CHL1: variants seen among roughly 807,000 people sequenced by gnomAD.
CHL1 encodes neural cell adhesion molecule L1-like protein.
CHL1 carries 96 observed loss-of-function variants against 141.9 expected under a neutral mutation model. That is an observed-to-expected ratio of 0.68 (90% CI 0.57 to 0.80). The LOEUF is 0.80. Ranked by LOEUF, CHL1 falls within the 30% of genes least tolerant of loss-of-function variation. The probability of loss-of-function intolerance (pLI) is 0.00; values close to 1 mark genes in which losing one functional copy is unlikely to be tolerated. For missense variants in CHL1, 1,820 were observed against 1,457.2 expected (o/e 1.25, Z -4.05); for synonymous variants, 613 against 502.2 (o/e 1.22, Z -2.95).
intron 2 of CHL1, among the ~76,000 whole-genome samples, chr3:278,447 T>C (rs770235147): frequency 8.5e-5 from 13 of 152,200 alleles, no homozygotes; most frequent in Non-Finnish European, 1.9e-4. Context: ...AGATCTTGCA[T>C]GCGATCCCAG....
intron 5 of CHL1, chr3:328,591 A>G (rs1027308543): frequency 3.1e-5 from 11 of 353,996 alleles, no homozygotes; most frequent in Non-Finnish European, 4.6e-5. Flanking sequence ...GGAAAAATAT[A>G]ATATCTGCTT....
rs1387714822 is a variant in CHL1 at position 409,345 on chromosome 3, G to C, written c.*3634G>C. ...TTGTATTATGCTTATGACTATGTATGGTTTGAAAATATTTTCATTATACAT... is the reference window on the plus strand; with the variant it reads ...TTGTATTATGCTTATGACTATGTATCGTTTGAAAATATTTTCATTATACAT... On this transcript the variant is annotated 3_prime_UTR_variant, in exon 28 of 28. Coordinates refer to ENST00000256509, the MANE Select transcript of CHL1 (RefSeq NM_006614.4). 1 of 151,882 alleles carries C rather than the reference G, an allele frequency of 6.6e-6. No homozygotes were observed. The highest frequency in any genetic ancestry group is 1.5e-5 in the Non-Finnish European group (1 of 67,948). The allele number at this position is 151,882 out of a possible 1,614,324, so 9.4% of individuals were successfully genotyped here.
At chr3:238,879 G>C (rs1028748040) in intron 1 of CHL1, among the ~76,000 whole-genome samples, 2 of 152,126 alleles carry the variant, frequency 1.3e-5, no homozygotes, top group African/African-American at 4.8e-5. Flanking sequence ...GTTGCAGTGA[G>C]CCAAAATCGC....
chr3:388,587 T>G lies in CHL1; in HGVS notation c.2248-665T>G, dbSNP rs560473359. ...AAAAAAGAAACGAAAAAAAAAGTTA[T>G]TCCTCCAAATATTTCTATGGAGAAA... On this transcript the variant is annotated intron_variant, in intron 19 of 27. Coordinates refer to ENST00000256509, the MANE Select transcript of CHL1 (RefSeq NM_006614.4). 2.6e-5 allele frequency among the ~76,000 whole-genome samples: 4 copies of G among 152,058 alleles called. No homozygotes were observed. The South Asian group carries it at 8.3e-4, about 32-fold the overall frequency.
chr3:202,562 A>G (rs1699051066), intron 1 of CHL1, among the ~76,000 whole-genome samples: 1 of 152,220 alleles, frequency 6.6e-6, no homozygotes, highest in South Asian at 2.1e-4. Context: ...GTGACTAGAA[A>G]TCTGGATTTT....
intron 2 of CHL1, chr3:248,392 A>C (rs552001545): frequency 2.0e-5 from 3 of 152,112 alleles, no homozygotes; most frequent in Admixed American, 6.6e-5. Context: ...CTATATGAAG[A>C]ATTACATTTT....
chr3:385,978 T>C (rs1254840936), intron 19 of CHL1, among the ~76,000 whole-genome samples: 1 of 152,074 alleles, frequency 6.6e-6, no homozygotes, highest in African/African-American at 2.4e-5. Flanking sequence ...GTGTCTCCTA[T>C]TATCTTGATG....
intron 3 of CHL1, 98 bp downstream of exon 3, chr3:319,965 C>T (rs1273295648): frequency 3.0e-6 from 2 of 676,620 alleles, no homozygotes; most frequent in Non-Finnish European, 4.9e-6. Flanking sequence ...ACTTTTCTAC[C>T]ATATTTCTAT....
chr3:323,339 G>C (rs913950313), intron 3 of CHL1, among the ~76,000 whole-genome samples: 5 of 152,002 alleles, frequency 3.3e-5, no homozygotes, highest in Non-Finnish European at 7.4e-5. Context: ...TTAGATCAGT[G>C]GCAATTCTAA....
chr3:327,451 C>T (rs921549395), intron 4 of CHL1, among the ~76,000 whole-genome samples: 1 of 151,718 alleles, frequency 6.6e-6, no homozygotes, highest in African/African-American at 2.4e-5. Flanking sequence ...AATTTTGCAA[C>T]ATTTATCAAA....
At chr3:335,089 A>T (rs1044313131) in intron 5 of CHL1, among the ~76,000 whole-genome samples, 10 of 152,210 alleles carry the variant, frequency 6.6e-5, no homozygotes, top group Admixed American at 2.0e-4. Flanking sequence ...GTGTTAACAT[A>T]CTTCCTCAGA....
At chr3:242,697 CAG>C (rs71619441) in intron 1 of CHL1, among the ~76,000 whole-genome samples, 28,492 of 149,036 alleles carry the variant, frequency 0.19, 3,002 homozygotes, top group Middle Eastern at 0.31. Context: ...CACACACACA[CAG>C]AGAGAGAGAG....
chr3:219,077 A>G (rs1482069878), intron 1 of CHL1, among the ~76,000 whole-genome samples: 2 of 150,248 alleles, frequency 1.3e-5, no homozygotes, highest in Middle Eastern at 3.2e-3. Flanking sequence ...TGAACCCGGG[A>G]GGTGGAGCTT....
chr3:204,747 T>C (rs1381236865), intron 1 of CHL1, among the ~76,000 whole-genome samples: 1 of 152,218 alleles, frequency 6.6e-6, no homozygotes, highest in Non-Finnish European at 1.5e-5. Context: ...CCAAGACTGA[T>C]ACTGGATGCT....
At chr3:254,330 C>T (rs533846492) in intron 2 of CHL1, among the ~76,000 whole-genome samples, 3 of 152,190 alleles carry the variant, frequency 2.0e-5, no homozygotes, top group African/African-American at 7.2e-5. Flanking sequence ...CCCAGGGAAA[C>T]CAACCTGCTA....
intron 2 of CHL1, among the ~76,000 whole-genome samples, chr3:267,722 C>T (rs1695276184): frequency 6.6e-6 from 1 of 152,092 alleles, no homozygotes. Context: ...TAAATTGTTG[C>T]ATGAAGCTCA....
At chr3:378,503 A>G (rs975635043) in intron 16 of CHL1, among the ~76,000 whole-genome samples, 2 of 152,212 alleles carry the variant, frequency 1.3e-5, no homozygotes, top group South Asian at 2.1e-4. Flanking sequence ...AATCAATGCA[A>G]TTACTCCTGA....
intron 15 of CHL1, among the ~76,000 whole-genome samples, chr3:372,522 G>T (rs1401294336): frequency 6.6e-6 from 1 of 152,044 alleles, no homozygotes; most frequent in Non-Finnish European, 1.5e-5. Context: ...CTTTTATCAA[G>T]GTTCTTAGCT....
At chr3:258,241 G>A (rs1487101255) in intron 2 of CHL1, among the ~76,000 whole-genome samples, 1 of 152,232 alleles carries the variant, frequency 6.6e-6, no homozygotes, top group Non-Finnish European at 1.5e-5. Flanking sequence ...GTGTCTTGGG[G>A]AAATCAATCA....
Sources: allele counts gnomAD v4.1 joint callset (sites outside exome capture counted in the v4.1 genomes callset), GRCh38; gene constraint gnomAD v4.1.1; transcripts MANE v1.5; gene names NCBI Gene and HGNC (gene_info 2026-07-23, HGNC 2026-07-21).